DDB1: variants seen among roughly 807,000 people sequenced by gnomAD.
DDB1 encodes the protein DNA damage-binding protein 1.
In DDB1, 18 loss-of-function variants were observed where a neutral mutation model predicts 133.1. The ratio of observed to expected loss-of-function variants is 0.14; its 90% confidence interval spans 0.09 to 0.20. The LOEUF is 0.20. Ranked by LOEUF, DDB1 falls within the 10% of genes least tolerant of loss-of-function variation. The pLI is 1.00. For synonymous variants in DDB1, 580 were observed against 550.5 expected (o/e 1.05, Z -0.75); for missense variants, 828 against 1,459.2 (o/e 0.57, Z 7.05).
At chr11:61,326,087 TATCAG>T (rs1437413831) in intron 5 of DDB1, 1 of 306,962 alleles carries the variant, frequency 3.3e-6, no homozygotes, top group African/African-American at 2.2e-5. Flanking sequence ...TTCCCCCCAT[TATCAG>T]GGCTACCACT....
chr11:61,328,165 G>A (rs1856299406), intron 4 of DDB1, among the ~76,000 whole-genome samples: 1 of 152,096 alleles, frequency 6.6e-6, no homozygotes, highest in African/African-American at 2.4e-5. Flanking sequence ...AGAACATAGA[G>A]AAATTCTAAG....
chr11:61,317,563 A>G (rs1565034644), intron 10 of DDB1, among the ~76,000 whole-genome samples: 1 of 150,006 alleles, frequency 6.7e-6, no homozygotes, highest in Non-Finnish European at 1.5e-5. Flanking sequence ...CTGGGGTGCA[A>G]TGGCACGATC....
At position 61,323,111 on chromosome 11, in the gene DDB1, A is replaced by C; in HGVS notation, c.922-17T>G. The C allele has an allele frequency of 1.2e-6, 2 of 1,609,514 alleles. No individual in the cohort carries two copies. The highest frequency in any genetic ancestry group is 2.2e-5 in the South Asian group (2 of 90,476). ...AATAGAGGTCTGGAAGAAAGTCAGCAACGTGAAAGAAATGAGAATGGACCC... is the reference window on the plus strand; with the variant it reads ...AATAGAGGTCTGGAAGAAAGTCAGCCACGTGAAAGAAATGAGAATGGACCC... On this transcript the variant is annotated splice_polypyrimidine_tract_variant and intron_variant, in intron 7 of 26. Transcript: ENST00000301764.
intron 21 of DDB1, among the ~76,000 whole-genome samples, chr11:61,305,768 T>C (rs929743942): frequency 6.6e-6 from 1 of 152,120 alleles, no homozygotes; most frequent in Non-Finnish European, 1.5e-5. Context: ...AAGACTCCCA[T>C]TCTCTTCCCA....
intron 26 of DDB1, among the ~76,000 whole-genome samples, 195 bp from the exon 27 acceptor site, chr11:61,300,414 C>T (rs1855773696): frequency 6.6e-6 from 1 of 152,358 alleles, no homozygotes; most frequent in Middle Eastern, 3.4e-3. Context: ...TCTCCCTCTT[C>T]AAGATTCTCC....
At chr11:61,317,239 G>T (rs192195929) in intron 10 of DDB1, among the ~76,000 whole-genome samples, 1 of 151,220 alleles carries the variant, frequency 6.6e-6, no homozygotes, top group Non-Finnish European at 1.5e-5. Flanking sequence ...TCAGCCTCCC[G>T]AGTAGCTGGG....
chr11:61,325,766 C>A (rs780902683), intron 5 of DDB1, 58 bp from the exon 6 acceptor site: 1 of 1,415,696 alleles, frequency 7.1e-7, no homozygotes, highest in East Asian at 2.3e-5. Flanking sequence ...CAAACCAGGA[C>A]TGGCAAAAGT....
chr11:61,308,977 C>A lies in DDB1; in HGVS notation c.2661+6G>T, dbSNP rs1855918021. 1.2e-6 allele frequency: 2 copies of A among 1,613,940 alleles called. No individual in the cohort carries two copies. The highest frequency in any genetic ancestry group is 1.3e-5 in the African/African-American group (1 of 74,924). ...TAAAGTAAGTACCAAGTGGTCCAGG[C>A]CTCACCGTGCTATTGATGCTGGCTA... On this transcript the variant is annotated splice_donor_region_variant and intron_variant, in intron 21 of 26. Coordinates refer to ENST00000301764, the MANE Select transcript of DDB1 (RefSeq NM_001923.5).
At chr11:61,316,950 T>TATATATAG (rs1856085843) in intron 10 of DDB1, among the ~76,000 whole-genome samples, 3 of 5,196 alleles carry the variant, frequency 5.8e-4, no homozygotes, top group Admixed American at 3.2e-3. Flanking sequence ...AGGATAGATA[T>TATATATAG]ATATATATAT....
chr11:61,323,354 G>C, intron 7 of DDB1: 1 of 449,472 alleles, frequency 2.2e-6, no homozygotes, highest in South Asian at 3.1e-5. Flanking sequence ...TACTGCCTAA[G>C]TATTAATATT....
chr11:61,331,511 C>G, intron 2 of DDB1, 32 bp downstream of exon 2: 2 of 1,604,560 alleles, frequency 1.2e-6, no homozygotes, highest in Non-Finnish European at 1.7e-6. Flanking sequence ...AACAGTTCCC[C>G]CTCCACTGCT....
intron 2 of DDB1, 57 bp downstream of exon 2, chr11:61,331,486 A>T: frequency 6.3e-7 from 1 of 1,581,792 alleles, no homozygotes; most frequent in East Asian, 2.3e-5. Context: ...AAATAACATA[A>T]AACAACCTAC....
At chr11:61,329,822 A>G in intron 3 of DDB1, 136 bp downstream of exon 3, 1 of 832,322 alleles carries the variant, frequency 1.2e-6, no homozygotes. Flanking sequence ...TCCTTTCTCC[A>G]AAAAGCTCAA....
intron 7 of DDB1, 67 bp downstream of exon 7, chr11:61,323,912 A>T (rs564092645): frequency 6.4e-7 from 1 of 1,552,922 alleles, no homozygotes; most frequent in South Asian, 1.1e-5. Context: ...GAGGTGTGGG[A>T]CCACACATTT....
chr11:61,316,942 G>GATAGAT (rs1338028509), intron 10 of DDB1, among the ~76,000 whole-genome samples: 8 of 27,032 alleles, frequency 3.0e-4, no homozygotes, highest in Non-Finnish European at 4.9e-4. Context: ...AAAAAAAAAG[G>GATAGAT]ATAGATATAT....
chr11:61,310,539 C>A (rs1379928721), intron 18 of DDB1, 121 bp from the exon 19 acceptor site: 2 of 1,211,926 alleles, frequency 1.7e-6, no homozygotes, highest in African/African-American at 1.5e-5. Flanking sequence ...ACTCTGATGG[C>A]TGGCAGCTCA....
intron 9 of DDB1, 23 bp downstream of exon 9, chr11:61,322,273 T>C (rs1245819041): frequency 1.3e-6 from 2 of 1,578,232 alleles, no homozygotes; most frequent in Non-Finnish European, 1.7e-6. Flanking sequence ...ATACCAACTA[T>C]CCACTTTCAG....
intron 10 of DDB1, among the ~76,000 whole-genome samples, chr11:61,317,312 A>C (rs1428742222): frequency 7.3e-5 from 11 of 151,390 alleles, no homozygotes; most frequent in Non-Finnish European, 2.9e-5. Flanking sequence ...ACAGGGTTTC[A>C]CCATGTTAGC....
intron 9 of DDB1, 59 bp downstream of exon 9, chr11:61,322,237 T>G (rs938576156): frequency 8.2e-6 from 11 of 1,338,168 alleles, no homozygotes; most frequent in Middle Eastern, 1.9e-4. Context: ...TAAGCATAGC[T>G]AGGAGGACAC....
Sources: allele counts gnomAD v4.1 joint callset (sites outside exome capture counted in the v4.1 genomes callset), GRCh38; gene constraint gnomAD v4.1.1; transcripts MANE v1.5; gene names NCBI Gene and HGNC (gene_info 2026-07-23, HGNC 2026-07-21).